OTOF: variants seen among roughly 807,000 people sequenced by gnomAD.
The protein encoded by OTOF is otoferlin.
A neutral mutation model predicts 236.8 loss-of-function variants in OTOF; 218 were observed. The ratio of observed to expected loss-of-function variants is 0.92; its 90% CI spans 0.82 to 1.03. The LOEUF is 1.03. Among genes scored for constraint, OTOF ranks in the 50% least tolerant of loss-of-function variants. The pLI is 0.00. For synonymous variants in OTOF, 1,041 were observed against 1,072.5 expected (o/e 0.97, Z 0.57); for missense variants, 2,590 against 2,694.4 (o/e 0.96, Z 0.86).
In OTOF at chr2:26,461,060, G is replaced by T; in HGVS notation, c.5534-30C>A. The T allele has an allele frequency of 1.2e-5, 7 of 599,762 alleles. No individual in the cohort carries two copies. Among genetic ancestry groups the T allele is most frequent in the Non-Finnish European group, 2.1e-5 (7 of 339,658 alleles). 37.2% of individuals were successfully genotyped at this position (599,762 alleles called of 1,614,324 possible). A position where few individuals can be genotyped will look rare whatever the true frequency, so the allele number is the denominator to read the frequency against. On this transcript the variant is annotated intron_variant, in intron 43 of 46. Transcript: ENST00000272371. The surrounding 1 kb of genome is among the most constrained non-coding windows in gnomAD (Gnocchi z 6.2). ...GGCAACCTCAGTGTCAGCTCAGAGT[G>T]AACAGGGCTGGGGTGGGGCGGGGTG...
chr2:26,495,919 C>A (rs1665971276), intron 8 of OTOF, among the ~76,000 whole-genome samples: 1 of 152,246 alleles, frequency 6.6e-6, no homozygotes, highest in African/African-American at 2.4e-5. Flanking sequence ...AGCCTGCAGG[C>A]CTCTGATACG....
intron 5 of OTOF, among the ~76,000 whole-genome samples, chr2:26,504,164 T>G (rs1451299482): frequency 6.6e-6 from 1 of 152,152 alleles, no homozygotes; most frequent in East Asian, 1.9e-4. Context: ...CTCTGGGTCT[T>G]GGACTTTTCA....
At chr2:26,478,598 G>T (rs1665425638) in intron 18 of OTOF, among the ~76,000 whole-genome samples, 1 of 152,126 alleles carries the variant, frequency 6.6e-6, no homozygotes, top group Non-Finnish European at 1.5e-5. Flanking sequence ...GAGAGGGGTG[G>T]GCAGAGGAGG....
intron 38 of OTOF, 114 bp from the exon 39 acceptor site, chr2:26,465,143 G>A: frequency 2.2e-6 from 2 of 893,038 alleles, no homozygotes; most frequent in Non-Finnish European, 3.3e-6. Flanking sequence ...CAGCAAGTGA[G>A]CCTGATTCCT....
Position 26,558,595 on chromosome 2 carries a change from G to A in OTOF, c.-24C>T. On this transcript the variant is annotated 5_prime_UTR_variant, in exon 1 of 47. Transcript: ENST00000272371. ...ATGCTGGTGTGGGCTGCCTGGCACT[G>A]CCAGGCAGGAGCAGCGGGAAGGAGC... 1 of 1,603,136 alleles carries A rather than the reference G, an allele frequency of 6.2e-7. No homozygotes were observed. The highest frequency in any genetic ancestry group is 8.5e-7 in the Non-Finnish European group (1 of 1,170,644).
Position 26,460,095 on chromosome 2 carries a change from AG to A in OTOF, c.5923del (p.Leu1975CysfsTer156). 6.3e-7 allele frequency: 1 copy of A among 1,580,776 alleles called. No homozygotes were observed. Among genetic ancestry groups the A allele is most frequent in the Non-Finnish European group, 8.6e-7 (1 of 1,162,800 alleles). The stretch of plus-strand genomic sequence containing the variant: ...GAGGAACAGGGCGAGGAGGAGGAGC[AG>A]CAGCAGGAGCAGCAACAGTTTGAGG... ...LLLKLLLLLL[L>X]LLLLALFLYS... On this transcript the variant is annotated frameshift_variant, in exon 46 of 47. Coordinates refer to ENST00000272371, the MANE Select transcript of OTOF (RefSeq NM_194248.3). LOFTEE classifies it high-confidence loss of function. The surrounding 1 kb of genome is among the most constrained non-coding windows in gnomAD (Gnocchi z 5.3).
intron 5 of OTOF, among the ~76,000 whole-genome samples, chr2:26,506,905 C>G (rs542249975): frequency 6.6e-6 from 1 of 152,116 alleles, no homozygotes; most frequent in Non-Finnish European, 1.5e-5. Context: ...GCAGGAGAAT[C>G]GCTTGAACTA....
intron 5 of OTOF, among the ~76,000 whole-genome samples, chr2:26,509,954 T>A (rs1177622430): frequency 2.0e-5 from 3 of 152,130 alleles, no homozygotes; most frequent in African/African-American, 7.2e-5. Flanking sequence ...TCCAGTATGG[T>A]CCACCTTGGC....
chr2:26,519,492 G>A (rs1325832629), intron 3 of OTOF, among the ~76,000 whole-genome samples: 15 of 152,184 alleles, frequency 9.9e-5, no homozygotes, highest in Admixed American at 9.2e-4. Context: ...TAGCTCCTCC[G>A]GCTTCTACCC....
intron 5 of OTOF, among the ~76,000 whole-genome samples, chr2:26,504,599 C>G (rs543490630): frequency 2.0e-5 from 3 of 152,224 alleles, no homozygotes; most frequent in Admixed American, 6.5e-5. Context: ...CCTACCTCTT[C>G]CTCTGGCTTG....
chr2:26,516,929 T>C (rs1666544631), intron 4 of OTOF, among the ~76,000 whole-genome samples: 2 of 152,114 alleles, frequency 1.3e-5, no homozygotes. Context: ...ACTGTCTACA[T>C]AACCGAGAGT....
chr2:26,527,749 C>T, intron 3 of OTOF, 83 bp downstream of exon 3: 1 of 1,010,874 alleles, frequency 9.9e-7, no homozygotes, highest in South Asian at 1.3e-5. Context: ...CCTTTTTAAG[C>T]CCCAAACAGA....
chr2:26,463,845 C>T, intron 40 of OTOF, 119 bp downstream of exon 40: 2 of 1,406,202 alleles, frequency 1.4e-6, no homozygotes, highest in Non-Finnish European at 2.0e-6. Flanking sequence ...AAGGTGCCTG[C>T]CAGGCTTTCT....
rs1223463005 is a variant in OTOF, at chr2:26,463,996, G to T, written c.5071C>A (p.Leu1691Met). ...ATGCCCGGCTTGTCGGGGTTGAGCA[G>T]CGGCCTCGTCTCCACATGCTCTGGC... is the stretch of plus-strand genomic sequence containing the variant. The part of the protein sequence containing the change: ...LVPEHVETRP[L>M]LNPDKPGIEQ... The change falls in exon 40 of 47, where the codon CTG becomes ATG. Residue 1691 changes from leucine to methionine, a missense_variant. By Grantham distance (15) the Leu-to-Met change is conservative (BLOSUM62 2). Coordinates refer to ENST00000272371, the MANE Select transcript of OTOF (RefSeq NM_194248.3). 1.2e-6 allele frequency: 2 copies of T among 1,613,684 alleles called. No individual in the cohort carries two copies. The highest frequency in any genetic ancestry group is 1.7e-6 in the Non-Finnish European group (2 of 1,180,052).
chr2:26,531,026 C>T (rs1402542074), intron 2 of OTOF, among the ~76,000 whole-genome samples: 1 of 152,158 alleles, frequency 6.6e-6, no homozygotes, highest in East Asian at 1.9e-4. Context: ...CTTTTTATCT[C>T]TCCTTTGTTA....
intron 3 of OTOF, among the ~76,000 whole-genome samples, chr2:26,527,134 A>T (rs1490426821): frequency 6.6e-6 from 1 of 152,176 alleles, no homozygotes; most frequent in African/African-American, 2.4e-5. Context: ...GGTGTACTTC[A>T]CTTGTGGAGT....
At chr2:26,490,322 G>T (rs1218510848) in intron 9 of OTOF, among the ~76,000 whole-genome samples, 3 of 152,248 alleles carry the variant, frequency 2.0e-5, no homozygotes, top group Non-Finnish European at 4.4e-5. Context: ...CAAATTCAGA[G>T]AGGTGAAACT....
At chr2:26,498,119 G>A (rs1344035460) in intron 8 of OTOF, among the ~76,000 whole-genome samples, 1 of 152,194 alleles carries the variant, frequency 6.6e-6, no homozygotes, top group Non-Finnish European at 1.5e-5. Flanking sequence ...TCCATCTCGA[G>A]GCATGGCCAT....
Position 26,480,914 on chromosome 2 carries a change from G to C in OTOF, c.1675C>G (p.Leu559Val). 6.2e-7 allele frequency: 1 copy of C among 1,613,042 alleles called. No homozygotes were observed. The highest frequency in any genetic ancestry group is 1.1e-5 in the South Asian group (1 of 91,088). The change falls in exon 15 of 47, where the codon CTG (leucine) becomes GTG (valine). Residue 559 changes from leucine (L) to valine (V), a missense_variant. This residue lies in a region of OTOF where 1,379 missense variants were observed against 1,341.6 expected (regional missense o/e 1.03). Coordinates refer to ENST00000272371, the MANE Select transcript of OTOF (RefSeq NM_194248.3). ...GCCCGGAAGGACACACCCTCCCCCA[G>C]GCCCTCGTTCAGGTCCTGATGCTCA... ...LDEHQDLNEG[L>V]GEGVSFRARL...
Sources: gnomAD v4.1 joint callset for allele counts (sites outside exome capture counted in the v4.1 genomes callset) on GRCh38, gnomAD v4.1.1 for gene constraint, gnomAD v4.1.1 regional missense constraint, Gnocchi (gnomAD v3.1) non-coding constraint, MANE v1.5 for transcripts, NCBI Gene and HGNC (gene_info 2026-07-23, HGNC 2026-07-21) for gene names.